Variants in OSBPL9 observed in about 807,000 individuals in gnomAD.
OSBPL9 encodes the protein oxysterol binding protein like 9.
OSBPL9 carries 40 observed loss-of-function variants against 106.6 expected under a neutral mutation model. The observed-to-expected ratio is 0.38, with a 90% confidence interval of 0.29 to 0.49. The LOEUF (loss-of-function observed/expected upper bound fraction) is 0.49, where lower values mean the gene tolerates loss of function less well. OSBPL9 is among the 20% of genes least tolerant of loss of function. The probability of loss-of-function intolerance (pLI) is 0.97; values close to 1 mark genes in which losing one functional copy is unlikely to be tolerated. For missense variants in OSBPL9, 609 were observed against 887.2 expected (o/e 0.69, Z 3.98); for synonymous variants, 269 against 295.4 (o/e 0.91, Z 0.92).
At chr1:51,589,890 G>A (rs779255470) in intron 1 of OSBPL9, among the ~76,000 whole-genome samples, 8 of 151,910 alleles carry the variant, frequency 5.3e-5, no homozygotes, top group Non-Finnish European at 5.9e-5. Flanking sequence ...ATAATTAGCT[G>A]GGCGTGGTGG....
chr1:51,700,836 C>T (rs1657065473), intron 3 of OSBPL9, among the ~76,000 whole-genome samples: 1 of 151,952 alleles, frequency 6.6e-6, no homozygotes, highest in South Asian at 2.1e-4. Flanking sequence ...TCACTTTTGC[C>T]CATTGATTTT....
upstream of OSBPL9, chr1:51,574,071 A>G (rs1645169070): frequency 6.6e-6 from 1 of 152,108 alleles, no homozygotes. Context: ...AGTAAAGGAG[A>G]AAAAAAGAAC....
the OSBPL9 span, among the ~76,000 whole-genome samples, chr1:51,555,775 T>C: frequency 6.6e-6 from 1 of 152,146 alleles, no homozygotes; most frequent in Middle Eastern, 3.4e-3. Context: ...TTCACCATGT[T>C]GGTCAGGCTG....
intron 8 of OSBPL9, chr1:51,752,636 T>G: frequency 4.5e-6 from 2 of 445,884 alleles, no homozygotes; most frequent in South Asian, 3.2e-5. Context: ...AAGCCAGAAG[T>G]CCAAGATCAA....
intron 1 of OSBPL9, among the ~76,000 whole-genome samples, chr1:51,647,416 T>C (rs548238445): frequency 6.6e-6 from 1 of 152,288 alleles, no homozygotes; most frequent in Admixed American, 6.5e-5. Context: ...ATTAGAATAA[T>C]ACTAGCTTTA....
intron 1 of OSBPL9, among the ~76,000 whole-genome samples, chr1:51,634,325 A>G (rs1202098401): frequency 6.6e-6 from 1 of 152,186 alleles, no homozygotes; most frequent in Non-Finnish European, 1.5e-5. Context: ...GAGGAGCATA[A>G]AACAGAGTTT....
chr1:51,675,784 T>G (rs1651042143), intron 3 of OSBPL9, among the ~76,000 whole-genome samples: 1 of 152,218 alleles, frequency 6.6e-6, no homozygotes, highest in Non-Finnish European at 1.5e-5. Context: ...TATTTGAATT[T>G]TACCTTCAAA....
chr1:51,521,562 T>C, the OSBPL9 span, among the ~76,000 whole-genome samples: 1 of 152,278 alleles, frequency 6.6e-6, no homozygotes, highest in Admixed American at 6.5e-5. Flanking sequence ...AACTTTTATA[T>C]GATTTATATT....
At chr1:51,713,135 TTTTTATTTTA>T (rs944415472) in intron 3 of OSBPL9, among the ~76,000 whole-genome samples, 2 of 152,056 alleles carry the variant, frequency 1.3e-5, no homozygotes, top group African/African-American at 2.4e-5. Flanking sequence ...TTTTTTTGTT[TTTTTATTTTA>T]TTTTATTTTA....
intron 9 of OSBPL9, among the ~76,000 whole-genome samples, chr1:51,757,458 CAAAGGAAAACCA>C (rs1311817533): frequency 2.0e-4 from 30 of 151,774 alleles, no homozygotes; most frequent in Admixed American, 3.3e-4. Flanking sequence ...CCAAAGACTC[CAAAGGAAAACCA>C]TGTTGGCTGT....
intron 2 of OSBPL9, among the ~76,000 whole-genome samples, chr1:51,664,693 A>AAAAT (rs929788366): frequency 6.5e-4 from 99 of 151,572 alleles, no homozygotes; most frequent in South Asian, 1.5e-3. Flanking sequence ...CTCTGTTTCA[A>AAAAT]AAATAAATAA....
At chr1:51,584,799 TG>T (rs1645238353) in intron 1 of OSBPL9, among the ~76,000 whole-genome samples, 1 of 152,160 alleles carries the variant, frequency 6.6e-6, no homozygotes, top group Non-Finnish European at 1.5e-5. Flanking sequence ...CTCTGTAGTC[TG>T]GGAAAACAGC....
upstream of OSBPL9, among the ~76,000 whole-genome samples, chr1:51,616,577 C>G (rs548374217): frequency 6.6e-6 from 1 of 152,318 alleles, no homozygotes; most frequent in East Asian, 1.9e-4. Flanking sequence ...TCCCAGCGCT[C>G]TCTCCTTCCT....
chr1:51,777,929 G>C (rs1675440329), intron 15 of OSBPL9, among the ~76,000 whole-genome samples: 1 of 152,098 alleles, frequency 6.6e-6, no homozygotes, highest in African/African-American at 2.4e-5. Context: ...AAAGTAGAAG[G>C]ATTGCTTGAA....
chr1:51,558,019 G>C, the OSBPL9 span, among the ~76,000 whole-genome samples: 3 of 152,162 alleles, frequency 2.0e-5, no homozygotes, highest in Admixed American at 2.0e-4. Context: ...AAAAAATCAT[G>C]CCTGTAATCC....
chr1:51,603,911 C>T (rs1295741578), intron 2 of OSBPL9, among the ~76,000 whole-genome samples: 1 of 152,150 alleles, frequency 6.6e-6, no homozygotes, highest in Non-Finnish European at 1.5e-5. Flanking sequence ...GGCAATTGGA[C>T]CTCAGTTATG....
At chr1:51,620,043 A>G (rs918510717) in intron 1 of OSBPL9, among the ~76,000 whole-genome samples, 1 of 152,150 alleles carries the variant, frequency 6.6e-6, no homozygotes, top group Non-Finnish European at 1.5e-5. Flanking sequence ...CTTTACTGAG[A>G]ATTGTTCTTG....
intron 1 of OSBPL9, among the ~76,000 whole-genome samples, chr1:51,597,732 T>G (rs920467955): frequency 1.3e-5 from 2 of 152,138 alleles, no homozygotes; most frequent in Non-Finnish European, 2.9e-5. Context: ...AGGAAAACAA[T>G]GACTGGCTCT....
chr1:51,583,700 C>CGG (rs1645233421), intron 1 of OSBPL9: 1 of 152,214 alleles, frequency 6.6e-6, no homozygotes, highest in African/African-American at 2.4e-5. Flanking sequence ...ACTTATCAGT[C>CGG]GGGGGCCTGA....
Sources: allele counts gnomAD v4.1 joint callset (sites outside exome capture counted in the v4.1 genomes callset), GRCh38; gene constraint gnomAD v4.1.1; transcripts MANE v1.5; gene names NCBI Gene and HGNC (gene_info 2026-07-23, HGNC 2026-07-21).